ACACB: variants seen among roughly 807,000 people sequenced by gnomAD.
The protein encoded by ACACB is acetyl-CoA carboxylase 2.
Under a neutral mutation model 278.8 loss-of-function variants are expected in ACACB, and 209 were observed. The ratio of observed to expected loss-of-function variants is 0.75; its 90% confidence interval spans 0.67 to 0.84. The LOEUF is 0.84. Among genes scored for constraint, ACACB ranks in the 40% least tolerant of loss-of-function variants. ACACB has a pLI of 0.00. For synonymous variants in ACACB, 1,174 were observed against 1,285.6 expected, an observed-to-expected ratio of 0.91 and a Z score of 1.86; for missense variants, 2,850 against 3,269.0, an observed-to-expected ratio of 0.87 and a Z score of 3.13.
chr12:109,224,600 C>T (rs1033472826), intron 27 of ACACB, among the ~76,000 whole-genome samples: 12 of 151,898 alleles, frequency 7.9e-5, no homozygotes, highest in Non-Finnish European at 2.9e-5. Context: ...GGCACTATCT[C>T]GGCTCACTGC....
intron 17 of ACACB, among the ~76,000 whole-genome samples, chr12:109,197,847 T>C (rs1448141725): frequency 6.6e-6 from 1 of 152,120 alleles, no homozygotes; most frequent in Non-Finnish European, 1.5e-5. Flanking sequence ...ATCCTCAATG[T>C]TTTGGAAGAA....
chr12:109,255,782 C>T (rs2047209815), intron 44 of ACACB, among the ~76,000 whole-genome samples: 1 of 152,176 alleles, frequency 6.6e-6, no homozygotes, highest in Admixed American at 6.5e-5. Flanking sequence ...GAAAGGTGGT[C>T]CCTTCCTAAA....
chr12:109,136,951 C>A (rs540475360), intron 1 of ACACB, among the ~76,000 whole-genome samples: 235 of 152,326 alleles, frequency 1.5e-3, no homozygotes, highest in Non-Finnish European at 1.4e-3. Context: ...AGCCTTTCCC[C>A]ATTTAGTATG....
intron 1 of ACACB, among the ~76,000 whole-genome samples, chr12:109,126,570 G>C (rs767466077): frequency 2.6e-5 from 4 of 152,162 alleles, no homozygotes; most frequent in Non-Finnish European, 2.9e-5. Context: ...TGTAGTCCCA[G>C]CTATTTGGGA....
chr12:109,244,004 A>G, intron 37 of ACACB, among the ~76,000 whole-genome samples: 1 of 152,120 alleles, frequency 6.6e-6, no homozygotes, highest in East Asian at 1.9e-4. Context: ...TAATTAAACT[A>G]AAGAGCTTCT....
At chr12:109,196,971 C>T in intron 16 of ACACB, 37 bp from the exon 17 acceptor site, 1 of 1,515,980 alleles carries the variant, frequency 6.6e-7, no homozygotes, top group Non-Finnish European at 8.8e-7. Context: ...GGAGCACATC[C>T]TGAACCCAGG....
intron 47 of ACACB, chr12:109,259,982 C>G: frequency 9.6e-7 from 1 of 1,039,132 alleles, no homozygotes; most frequent in Non-Finnish European, 1.3e-6. Context: ...CTCAGAGGGC[C>G]GAGGTAAGAG....
At chr12:109,186,667 G>C (rs2044673444) in intron 12 of ACACB, among the ~76,000 whole-genome samples, 1 of 152,068 alleles carries the variant, frequency 6.6e-6, no homozygotes. Flanking sequence ...TCAGGAAACT[G>C]GGGGTAAGAG....
chr12:109,149,037 A>G (rs1314978241), intron 2 of ACACB, among the ~76,000 whole-genome samples: 1 of 152,204 alleles, frequency 6.6e-6, no homozygotes, highest in Admixed American at 6.5e-5. Flanking sequence ...CTAGATAGGA[A>G]GCTGAAGCCC....
At chr12:109,222,434 C>A in intron 24 of ACACB, 73 bp from the exon 25 acceptor site, 2 of 1,413,304 alleles carry the variant, frequency 1.4e-6, no homozygotes, top group Non-Finnish European at 2.0e-6. Flanking sequence ...AGGTGCTCCC[C>A]AAGTCGAGAT....
chr12:109,221,959 T>C (rs1565941451), intron 24 of ACACB, among the ~76,000 whole-genome samples: 1 of 150,990 alleles, frequency 6.6e-6, no homozygotes, highest in Non-Finnish European at 1.5e-5. Flanking sequence ...CTCAGCTCAC[T>C]GCAACCTCCA....
At chr12:109,134,457 A>G (rs2042920173) in intron 1 of ACACB, among the ~76,000 whole-genome samples, 1 of 152,154 alleles carries the variant, frequency 6.6e-6, no homozygotes, top group Admixed American at 6.5e-5. Context: ...GCCTCTGGGG[A>G]AGCCGGGATA....
chr12:109,130,843 C>G (rs1204411763), intron 1 of ACACB, among the ~76,000 whole-genome samples: 1 of 152,210 alleles, frequency 6.6e-6, no homozygotes. Flanking sequence ...CCTGCCTGGG[C>G]TGACCTGTGT....
chr12:109,259,593 A>T (rs79042309), intron 47 of ACACB, among the ~76,000 whole-genome samples: 5,039 of 151,516 alleles, frequency 0.033, 270 homozygotes, highest in African/African-American at 0.12. Context: ...CAAAAAAAAA[A>T]CAATGAGGAA....
intron 34 of ACACB, 115 bp downstream of exon 34, chr12:109,237,495 C>G: frequency 8.9e-7 from 1 of 1,120,040 alleles, no homozygotes; most frequent in Non-Finnish European, 1.3e-6. Context: ...ACACCAACAC[C>G]CAGGGTCCTG....
intron 16 of ACACB, among the ~76,000 whole-genome samples, chr12:109,196,625 G>C (rs1039657266): frequency 6.6e-6 from 1 of 152,164 alleles, no homozygotes; most frequent in African/African-American, 2.4e-5. Context: ...ATTTTGCGGG[G>C]ACACAAACGT....
intron 1 of ACACB, among the ~76,000 whole-genome samples, chr12:109,118,812 G>A (rs1050378242): frequency 3.3e-5 from 5 of 152,198 alleles, no homozygotes; most frequent in Admixed American, 1.3e-4. Context: ...AGGAAACAGA[G>A]TTAGAAATAT....
chr12:109,224,025 C>T, intron 27 of ACACB, 121 bp downstream of exon 27: 1 of 868,636 alleles, frequency 1.2e-6, no homozygotes, highest in Admixed American at 1.9e-5. Context: ...CTTTTCTCTT[C>T]AAGGTAGCTA....
intron 11 of ACACB, among the ~76,000 whole-genome samples, chr12:109,182,044 C>T (rs911387035): frequency 6.6e-6 from 1 of 151,858 alleles, no homozygotes; most frequent in Admixed American, 6.6e-5. Context: ...GGGGTTTCAC[C>T]GTGTTAGCCA....
Sources: allele counts gnomAD v4.1 joint callset (sites outside exome capture counted in the v4.1 genomes callset), GRCh38; gene constraint gnomAD v4.1.1; transcripts MANE v1.5; gene names NCBI Gene and HGNC (gene_info 2026-07-23, HGNC 2026-07-21).